The following ADGRB3 variants were observed in gnomAD, a reference collection of about 807,000 sequenced individuals.
ADGRB3 encodes brain-specific angiogenesis inhibitor 3.
In ADGRB3, 37 loss-of-function variants were observed where a neutral mutation model predicts 193.4. The ratio of observed to expected loss-of-function variants is 0.19; its 90% confidence interval spans 0.15 to 0.25. ADGRB3 has a LOEUF of 0.25. ADGRB3 is among the 10% of genes least tolerant of loss of function. The pLI is 1.00. For synonymous variants in ADGRB3, 690 were observed against 644.2 expected (o/e 1.07, Z -1.08); for missense variants, 1,637 against 1,852.9 (o/e 0.88, Z 2.14).
intron 31 of ADGRB3, among the ~76,000 whole-genome samples, chr6:69,384,010 G>C (rs754272687): frequency 6.6e-6 from 1 of 151,902 alleles, no homozygotes; most frequent in African/African-American, 2.4e-5. Flanking sequence ...CTAGCTTCCT[G>C]ATTAGTAATG....
chr6:68,771,407 CACACAT>C (rs562500748), intron 3 of ADGRB3, among the ~76,000 whole-genome samples: 2,925 of 146,272 alleles, frequency 0.02, 43 homozygotes, highest in South Asian at 0.076. Context: ...CACACACACA[CACACAT>C]ATATGTATAC....
intron 15 of ADGRB3, among the ~76,000 whole-genome samples, chr6:69,052,649 T>C (rs1046797100): frequency 6.6e-6 from 1 of 152,214 alleles, no homozygotes; most frequent in Non-Finnish European, 1.5e-5. Flanking sequence ...ACAAAAATAA[T>C]TTTGCATGTT....
chr6:69,350,091 C>G lies in ADGRB3; in HGVS notation c.3460-4142C>G, dbSNP rs544528471. Among the ~76,000 whole-genome samples, 45 of 152,250 alleles carry G rather than the reference C, an allele frequency of 3.0e-4. No homozygotes were observed. The South Asian group carries it at 8.9e-3, about 30-fold the overall frequency. ...CCTCTCCTGGTTCAGAAGACAAGAG[C>G]GAGACACACCCCTGCAAACCTCTTT... On this transcript the variant is annotated intron_variant, in intron 26 of 31. Transcript: ENST00000370598.
intron 29 of ADGRB3, among the ~76,000 whole-genome samples, chr6:69,370,688 A>G (rs1454653211): frequency 1.3e-5 from 2 of 152,030 alleles, no homozygotes; most frequent in African/African-American, 2.4e-5. Context: ...ACAAAATGTC[A>G]CTATTTAATT....
At chr6:68,711,555 C>T (rs1765409250) in intron 3 of ADGRB3, among the ~76,000 whole-genome samples, 1 of 152,000 alleles carries the variant, frequency 6.6e-6, no homozygotes, top group Non-Finnish European at 1.5e-5. Context: ...CATAAATGGT[C>T]CTCTGCCAAC....
chr6:68,800,040 A>G (rs1442951521), intron 3 of ADGRB3, among the ~76,000 whole-genome samples: 1 of 152,172 alleles, frequency 6.6e-6, no homozygotes, highest in Non-Finnish European at 1.5e-5. Context: ...TGTTGAGTTT[A>G]TAGAACCATG....
Position 69,067,560 on chromosome 6 carries a change from G to A in ADGRB3, c.2436+4524G>A, listed in dbSNP as rs576065432. Among the ~76,000 whole-genome samples the A allele has an allele frequency of 3.9e-5, 6 of 152,178 alleles. No homozygotes were observed. In the East Asian group the frequency reaches 9.7e-4, roughly 25 times the overall value. ...AACCTAAGGATTTAAAAATCACTTG[G>A]CAAAACTTTGAAAAGTTCAGTGTGT... On this transcript the variant is annotated intron_variant, in intron 16 of 31. Transcript: ENST00000370598.
chr6:69,279,069 A>ATGTGTG (rs1229976217), intron 20 of ADGRB3, among the ~76,000 whole-genome samples: 21 of 57,026 alleles, frequency 3.7e-4, no homozygotes, highest in African/African-American at 6.0e-4. Flanking sequence ...TTAAATACAT[A>ATGTGTG]TGTATATATA....
intron 3 of ADGRB3, among the ~76,000 whole-genome samples, chr6:68,655,004 T>G (rs1768458156): frequency 6.6e-6 from 1 of 151,442 alleles, no homozygotes; most frequent in Admixed American, 6.6e-5. Flanking sequence ...AACAATTTAG[T>G]TTTACATTTC....
At position 68,635,775 on chromosome 6, in the gene ADGRB3, CT is replaced by C. The variant is rs1005339604; in HGVS notation, c.-405del. The C allele has an allele frequency of 1.3e-5, 2 of 153,050 alleles. No individual in the cohort carries two copies. The highest frequency in any genetic ancestry group is 2.9e-5 in the Non-Finnish European group (2 of 68,596). 9.5% of individuals were successfully genotyped at this position (153,050 alleles called of 1,614,324 possible). ...GCGCAAGGTTCTGGGCTCCTGCTGG[CT>C]TTTTTTTCCTCTCTCTCATCGACCC... On this transcript the variant is annotated 5_prime_UTR_variant, in exon 1 of 32. Transcript: ENST00000370598.
At chr6:69,158,300 A>T (rs1774898799) in intron 17 of ADGRB3, among the ~76,000 whole-genome samples, 1 of 152,098 alleles carries the variant, frequency 6.6e-6, no homozygotes. Context: ...TGTATTAAAT[A>T]GCATTGGATA....
At chr6:68,659,864 A>G (rs887728534) in intron 3 of ADGRB3, among the ~76,000 whole-genome samples, 3 of 151,054 alleles carry the variant, frequency 2.0e-5, no homozygotes, top group African/African-American at 4.8e-5. Flanking sequence ...CTGATCCTCC[A>G]TGCACACACA....
chr6:69,085,022 T>C (rs189127875), intron 17 of ADGRB3, among the ~76,000 whole-genome samples: 71 of 152,252 alleles, frequency 4.7e-4, no homozygotes, highest in Non-Finnish European at 8.2e-4. Flanking sequence ...CTTGAAAAGT[T>C]ATTTTTTAAA....
chr6:69,321,475 A>G (rs927303526), intron 20 of ADGRB3, among the ~76,000 whole-genome samples: 9 of 151,834 alleles, frequency 5.9e-5, no homozygotes, highest in Non-Finnish European at 7.4e-5. Context: ...GAAAAACTGT[A>G]GGACCAAAGT....
intron 26 of ADGRB3, among the ~76,000 whole-genome samples, chr6:69,341,599 A>T (rs1320283286): frequency 6.6e-6 from 1 of 152,154 alleles, no homozygotes; most frequent in African/African-American, 2.4e-5. Flanking sequence ...TTCTACCTAG[A>T]ATATCAGCAT....
intron 6 of ADGRB3, among the ~76,000 whole-genome samples, chr6:68,946,152 C>A (rs925651859): frequency 2.6e-5 from 4 of 152,064 alleles, no homozygotes; most frequent in Non-Finnish European, 5.9e-5. Flanking sequence ...CACATTGTAT[C>A]CCTATGAACT....
At chr6:68,899,635 G>T (rs1766337526) in intron 3 of ADGRB3, among the ~76,000 whole-genome samples, 1 of 151,832 alleles carries the variant, frequency 6.6e-6, no homozygotes, top group South Asian at 2.1e-4. Context: ...CATTTTTTAT[G>T]GCTGCATAGT....
chr6:69,018,703 C>A (rs1770169190), intron 13 of ADGRB3, among the ~76,000 whole-genome samples: 1 of 151,912 alleles, frequency 6.6e-6, no homozygotes, highest in Non-Finnish European at 1.5e-5. Context: ...TTGTATTTAT[C>A]TTCATGCATT....
intron 16 of ADGRB3, among the ~76,000 whole-genome samples, chr6:69,064,229 A>G (rs965268644): frequency 2.0e-5 from 3 of 151,968 alleles, no homozygotes; most frequent in Admixed American, 2.0e-4. Flanking sequence ...AAAAATTTCA[A>G]ATCTCTCTGC....
Sources: gnomAD v4.1 joint callset for allele counts (sites outside exome capture counted in the v4.1 genomes callset) on GRCh38, gnomAD v4.1.1 for gene constraint, MANE v1.5 for transcripts, NCBI Gene and HGNC (gene_info 2026-07-23, HGNC 2026-07-21) for gene names.